The following SLC12A1 variants were observed in gnomAD, a reference collection of about 807,000 sequenced individuals.
SLC12A1 encodes Na-K-2Cl cotransporter.
Under a neutral mutation model 130.4 loss-of-function variants are expected in SLC12A1, and 89 were observed. That is an observed-to-expected ratio of 0.68 (90% CI 0.58 to 0.81). The LOEUF (loss-of-function observed/expected upper bound fraction) is 0.81, where lower values mean the gene tolerates loss of function less well. SLC12A1 is among the 40% of genes least tolerant of loss of function. SLC12A1 has a pLI of 0.00. For missense variants in SLC12A1, 1,310 were observed against 1,336.4 expected (o/e 0.98, Z 0.31); for synonymous variants, 499 against 460.0 (o/e 1.08, Z -1.09).
At chr15:48,208,434 T>C (rs895305180) in intron 2 of SLC12A1, among the ~76,000 whole-genome samples, 2 of 151,990 alleles carry the variant, frequency 1.3e-5, no homozygotes, top group Admixed American at 1.3e-4. Context: ...CACCTCAACC[T>C]CCTGAGTAGC....
intron 4 of SLC12A1, chr15:48,221,506 C>A: frequency 3.2e-6 from 2 of 626,498 alleles, no homozygotes; most frequent in South Asian, 1.9e-5. Context: ...AAAGGTTAAT[C>A]AAATATTGCC....
chr15:48,235,372 A>C (rs1013483285), intron 9 of SLC12A1: 18 of 289,556 alleles, frequency 6.2e-5, no homozygotes, highest in African/African-American at 3.5e-4. Context: ...AAAACAAAGG[A>C]AAATAATCAC....
intron 24 of SLC12A1, among the ~76,000 whole-genome samples, chr15:48,295,616 A>AT (rs754895044): frequency 6.6e-6 from 1 of 152,170 alleles, no homozygotes; most frequent in African/African-American, 2.4e-5. Context: ...AAGAGAATTA[A>AT]TTTTTTTGTC....
chr15:48,258,130 G>C (rs2041729401), intron 16 of SLC12A1, among the ~76,000 whole-genome samples: 1 of 70,676 alleles, frequency 1.4e-5, no homozygotes. Flanking sequence ...GGGAGGCCGA[G>C]GCGGGCGGAT....
At position 48,241,721 on chromosome 15, in the gene SLC12A1, G is replaced by A. The variant is rs7179985; in HGVS notation, c.1300+122G>A. Reference sequence around the variant, plus strand: ...TTTAAAAGGCAACAATTTTAATTCCGTTCTTGGTACCTTAATGTTAATGAT... The same window carrying A: ...TTTAAAAGGCAACAATTTTAATTCCATTCTTGGTACCTTAATGTTAATGAT... On this transcript the variant is annotated intron_variant, in intron 10 of 26. Coordinates refer to ENST00000380993, the MANE Select transcript of SLC12A1 (RefSeq NM_000338.3). 1,077 of 718,676 alleles carry A rather than the reference G, an allele frequency of 1.5e-3. 7 individuals carry two copies. The African/African-American group carries it at 0.017, about 12-fold the overall frequency. 44.5% of individuals were successfully genotyped at this position (718,676 alleles called of 1,614,324 possible).
intron 9 of SLC12A1, among the ~76,000 whole-genome samples, chr15:48,238,740 G>T (rs2041467541): frequency 6.6e-6 from 1 of 152,116 alleles, no homozygotes; most frequent in Non-Finnish European, 1.5e-5. Flanking sequence ...CACACTATAG[G>T]ATAGGAAAGA....
intron 5 of SLC12A1, chr15:48,228,662 ATATCT>A (rs778189685): frequency 2.5e-5 from 6 of 235,804 alleles, no homozygotes; most frequent in African/African-American, 9.1e-5. Context: ...GATAATACAG[ATATCT>A]TATTTTATGC....
At chr15:48,261,357 T>C (rs549385468) in intron 17 of SLC12A1, among the ~76,000 whole-genome samples, 7 of 152,352 alleles carry the variant, frequency 4.6e-5, no homozygotes, top group Admixed American at 1.3e-4. Flanking sequence ...TGCTGGAATA[T>C]CATTTCATTT....
intron 2 of SLC12A1, among the ~76,000 whole-genome samples, chr15:48,216,068 C>A (rs2041117267): frequency 6.6e-6 from 1 of 152,064 alleles, no homozygotes; most frequent in Non-Finnish European, 1.5e-5. Flanking sequence ...TTTTTTTCCC[C>A]TCTATGGTAT....
Position 48,288,138 on chromosome 15 carries a change from G to A in SLC12A1, c.2725G>A (p.Gly909Ser). 1 of 1,610,078 alleles carries A rather than the reference G, an allele frequency of 6.2e-7. No homozygotes were observed. The highest frequency in any genetic ancestry group is 8.5e-7 in the Non-Finnish European group (1 of 1,178,172). The change falls in exon 22 of 27, where the codon GGC becomes AGC. Residue 909 changes from glycine (G) to serine (S), a missense_variant. By Grantham distance (56) the Gly-to-Ser change is moderately conservative (BLOSUM62 0). Coordinates refer to ENST00000380993, the MANE Select transcript of SLC12A1 (RefSeq NM_000338.3). ...TCAATTTAAAAAGAAACAAGAAAAA[G>A]GCACAATTGATGTTTGGTGGTTGTT... The part of the protein sequence containing the change: ...STQFKKKQEK[G>S]TIDVWWLFDD...
intron 20 of SLC12A1, among the ~76,000 whole-genome samples, chr15:48,280,192 G>A (rs544209578): frequency 2.5e-4 from 38 of 151,398 alleles, no homozygotes; most frequent in African/African-American, 8.2e-4. Flanking sequence ...AAAGACTGGG[G>A]ACATAACATT....
intron 9 of SLC12A1, among the ~76,000 whole-genome samples, chr15:48,236,809 GT>G (rs1164628094): frequency 6.6e-6 from 1 of 152,136 alleles, no homozygotes; most frequent in African/African-American, 2.4e-5. Context: ...TGAACTTCTG[GT>G]TTGTCAGCTC....
At chr15:48,247,975 G>GACT (rs1566839983) in intron 13 of SLC12A1, among the ~76,000 whole-genome samples, 1 of 152,210 alleles carries the variant, frequency 6.6e-6, no homozygotes. Flanking sequence ...ACTGGCATTT[G>GACT]AGAATCACTT....
rs1417074815 is a variant in SLC12A1 at position 48,226,552 on chromosome 15, T to A, written c.705T>A (p.Thr235=). The part of the protein sequence containing the change: ...ITGLSTSAIA[T]NGFVRGGGAY... ...GGTTGTCAACTTCTGCGATAGCAAC[T>A]AACGGGTTTGTTCGTGGAGGTAAAA... is the stretch of plus-strand genomic sequence containing the variant. Residue 235 remains threonine (T), a synonymous_variant, in exon 5 of 27, where the codon ACT becomes ACA. Transcript: ENST00000380993. The A allele has an allele frequency of 6.2e-7, 1 of 1,608,860 alleles. No individual in the cohort carries two copies. The highest frequency in any genetic ancestry group is 8.5e-7 in the Non-Finnish European group (1 of 1,176,692).
intron 20 of SLC12A1, among the ~76,000 whole-genome samples, chr15:48,282,821 G>A (rs2042021652): frequency 2.0e-5 from 3 of 152,082 alleles, no homozygotes. Context: ...AGCATAGGAA[G>A]GTAATAAAAC....
chr15:48,250,521 C>A (rs969051348), intron 14 of SLC12A1, among the ~76,000 whole-genome samples: 6 of 152,018 alleles, frequency 3.9e-5, no homozygotes, highest in African/African-American at 1.5e-4. Context: ...GACTCCATGC[C>A]ATGTTATGGC....
Position 48,230,520 on chromosome 15 carries a change from T to C in SLC12A1, c.975+17T>C. The C allele has an allele frequency of 1.3e-6, 2 of 1,518,362 alleles. No homozygotes were observed. 94.1% of individuals were successfully genotyped at this position (1,518,362 alleles called of 1,614,324 possible). On this transcript the variant is annotated intron_variant, in intron 7 of 26. Coordinates refer to ENST00000380993, the MANE Select transcript of SLC12A1 (RefSeq NM_000338.3). ...GAGGCAAAGGTAAATTTCTCAAAAA[T>C]GATATTATCAACAGTGGCTGGTCAG...
chr15:48,239,441 G>A (rs2041476337), intron 9 of SLC12A1, among the ~76,000 whole-genome samples: 1 of 151,848 alleles, frequency 6.6e-6, no homozygotes, highest in South Asian at 2.1e-4. Context: ...TTGAGCATGG[G>A]AAGGTTGAGG....
intron 15 of SLC12A1, among the ~76,000 whole-genome samples, chr15:48,254,348 A>G (rs929691577): frequency 6.6e-6 from 1 of 152,054 alleles, no homozygotes; most frequent in Non-Finnish European, 1.5e-5. Flanking sequence ...CCAATTGACA[A>G]GTAGAGTTTT....
Sources: allele counts gnomAD v4.1 joint callset (sites outside exome capture counted in the v4.1 genomes callset), GRCh38; gene constraint gnomAD v4.1.1; transcripts MANE v1.5; gene names NCBI Gene and HGNC (gene_info 2026-07-23, HGNC 2026-07-21).